The following HSPG2 variants were observed in gnomAD, a reference collection of about 807,000 sequenced individuals.
The protein encoded by HSPG2 is basement membrane-specific heparan sulfate proteoglycan core protein.
A neutral mutation model predicts 526.6 loss-of-function variants in HSPG2; 278 were observed. The ratio of observed to expected loss-of-function variants is 0.53; its 90% CI spans 0.48 to 0.58. HSPG2 has a LOEUF of 0.58. HSPG2 is among the 20% of genes least tolerant of loss of function. The pLI, the probability that HSPG2 is intolerant of heterozygous loss-of-function variation, is 0.00. For synonymous variants in HSPG2, 2,465 were observed against 2,555.4 expected (o/e 0.96, Z 1.07); for missense variants, 5,354 against 6,099.5 (o/e 0.88, Z 4.07).
intron 6 of HSPG2, chr1:21,888,772 G>A (rs542920890): frequency 8.7e-6 from 11 of 1,267,438 alleles, no homozygotes; most frequent in Middle Eastern, 2.2e-4. Flanking sequence ...GGGAGCTGAG[G>A]GCTGCAGGGC....
chr1:21,827,762 C>T, intron 91 of HSPG2, 101 bp downstream of exon 91: 2 of 1,207,140 alleles, frequency 1.7e-6, no homozygotes, highest in Non-Finnish European at 2.4e-6. Flanking sequence ...GCAAGCTCCT[C>T]ATATAAAGCT....
Position 21,854,773 on chromosome 1 carries a change from C to G in HSPG2, c.6134-8G>C. 6.2e-7 allele frequency: 1 copy of G among 1,613,568 alleles called. No homozygotes were observed. The highest frequency in any genetic ancestry group is 8.5e-7 in the Non-Finnish European group (1 of 1,179,806). ...GTGGGCTGGCATCTGAGGCTGGGGC[C>G]AGAGTAGGGGTCAGCAGGCCCCAGG... is the stretch of plus-strand genomic sequence containing the variant. On this transcript the variant is annotated splice_region_variant and splice_polypyrimidine_tract_variant and intron_variant, in intron 48 of 96. Coordinates refer to ENST00000374695, the MANE Select transcript of HSPG2 (RefSeq NM_005529.7).
chr1:21,881,942 CAAAAAAA>C (rs10570430), intron 13 of HSPG2, among the ~76,000 whole-genome samples: 8 of 87,218 alleles, frequency 9.2e-5, no homozygotes, highest in African/African-American at 2.2e-4. Context: ...GACTCTGTCT[CAAAAAAA>C]AAAAAAAAAA....
At chr1:21,825,055 G>A in intron 91 of HSPG2, 1 of 502,222 alleles carries the variant, frequency 2.0e-6, no homozygotes, top group Non-Finnish European at 3.7e-6. Context: ...GGTAGGACCT[G>A]CAACTTTGTT....
Position 21,885,029 on chromosome 1 carries a change from T to C in HSPG2, c.1339A>G (p.Ile447Val). The C allele has an allele frequency of 6.2e-7, 1 of 1,613,872 alleles. No homozygotes were observed. The highest frequency in any genetic ancestry group is 8.5e-7 in the Non-Finnish European group (1 of 1,179,988). ...GAGCCGCACCTGGGATGAGAGGGGA[T>C]GTGGCCCCAGTTGAGCCTCCAATTG... ...IINWRLNWGHIPSHPRVTVTS... is the reference protein window; with the variant it reads ...IINWRLNWGHVPSHPRVTVTS... Residue 447 changes from isoleucine (I) to valine (V), a missense_variant, in exon 11 of 97, where the codon ATC becomes GTC. By Grantham distance (29) the Ile-to-Val change is conservative (BLOSUM62 3). Coordinates refer to ENST00000374695, the MANE Select transcript of HSPG2 (RefSeq NM_005529.7).
rs1338495481 is a variant in HSPG2, at chr1:21,875,933, ATGATGTTGTTACCT to A, written c.3099_3112del (p.Gln1033HisfsTer62). 4.3e-6 allele frequency: 7 copies of A among 1,614,174 alleles called. No homozygotes were observed. Among genetic ancestry groups the A allele is most frequent in the Non-Finnish European group, 5.9e-6 (7 of 1,180,024 alleles). On this transcript the variant is annotated frameshift_variant, in exon 24 of 97. Coordinates refer to ENST00000374695, the MANE Select transcript of HSPG2 (RefSeq NM_005529.7). LOFTEE classifies it high-confidence loss of function. ...CTCCTGGGCCACATGGTGCTCTAGG[ATGATGTTGTTACCT>A]TGCAGCACCACCAACGGCTGCCCGT...
intron 91 of HSPG2, among the ~76,000 whole-genome samples, chr1:21,825,650 G>A (rs994263884): frequency 3.3e-5 from 5 of 152,206 alleles, no homozygotes; most frequent in Non-Finnish European, 1.5e-5. Context: ...CAAATGATGA[G>A]GAGAACGGCT....
At position 21,847,551 on chromosome 1, in the gene HSPG2, G is replaced by T; in HGVS notation, c.8026-59C>A. 1 of 1,609,496 alleles carries T rather than the reference G, an allele frequency of 6.2e-7. No individual in the cohort carries two copies. Among genetic ancestry groups the T allele is most frequent in the Non-Finnish European group, 8.5e-7 (1 of 1,176,858 alleles). On this transcript the variant is annotated intron_variant, in intron 61 of 96. Coordinates refer to ENST00000374695, the MANE Select transcript of HSPG2 (RefSeq NM_005529.7). The surrounding 1 kb of genome is among the most constrained non-coding windows in gnomAD (Gnocchi z 4.1). ...GAGTGGAGGGACGCTGGGGTCACCA[G>T]CTGGCTCAGGCCTTCCTGCTCAGCC...
intron 17 of HSPG2, 82 bp downstream of exon 17, chr1:21,880,025 T>A: frequency 6.6e-7 from 1 of 1,505,382 alleles, no homozygotes; most frequent in African/African-American, 1.4e-5. Flanking sequence ...TGGAGGCTTG[T>A]GCTGAGCTCA....
In HSPG2 at chr1:21,881,471, G is replaced by A. The variant is rs1312652110; in HGVS notation, c.1686C>T (p.Gly562=). 6.2e-7 allele frequency: 1 copy of A among 1,612,808 alleles called. No individual in the cohort carries two copies. Among genetic ancestry groups the A allele is most frequent in the East Asian group, 2.2e-5 (1 of 44,886 alleles). Residue 562 remains glycine (G), a synonymous_variant, in exon 14 of 97, where the codon GGC becomes GGT. Coordinates refer to ENST00000374695, the MANE Select transcript of HSPG2 (RefSeq NM_005529.7). ...GCTGCGTGGAGGAGAGGGGTGGCGT[G>A]CCGGGCTGCGCAGGCATTGTCACAT... is the stretch of plus-strand genomic sequence containing the variant. ...GVNVTMPAQP[G]TPPLSSTQLQ...
intron 80 of HSPG2, chr1:21,832,916 C>G (rs1162633355): frequency 1.8e-6 from 1 of 562,618 alleles, no homozygotes; most frequent in Admixed American, 3.1e-5. Context: ...GTCAGAGACC[C>G]GTAAGAGACG....
Position 21,839,179 on chromosome 1 carries a change from G to A in HSPG2, c.9890-94C>T. 1 of 1,494,026 alleles carries A rather than the reference G, an allele frequency of 6.7e-7. No individual in the cohort carries two copies. The highest frequency in any genetic ancestry group is 1.3e-5 in the South Asian group (1 of 77,870). 92.5% of individuals were successfully genotyped at this position (1,494,026 alleles called of 1,614,324 possible). ...CCAGTGTCCAGGGAAGCTGAATGGT[G>A]AGCCCAGAGGACTGGGGATAAGGAA... On this transcript the variant is annotated intron_variant, in intron 73 of 96. Transcript: ENST00000374695. The surrounding 1 kb of genome is among the most constrained non-coding windows in gnomAD (Gnocchi z 4.5).
intron 1 of HSPG2, among the ~76,000 whole-genome samples, chr1:21,924,129 CT>C (rs1644120835): frequency 6.6e-6 from 1 of 152,198 alleles, no homozygotes; most frequent in South Asian, 2.1e-4. Context: ...CCTTCATCTG[CT>C]TCCCTAGCCC....
Position 21,864,103 on chromosome 1 carries a change from G to A in HSPG2, c.4737C>T (p.Cys1579=), listed in dbSNP as rs1640037022. ...SDLCHPETGA[C]SQCQHNAAGE... is the part of the protein sequence containing the mutation. ...CCTGGCCTCGCTTGCAGCTCACCGA[G>A]CAGGCCCCAGTCTCTGGGTGGCACA... Residue 1579 remains cysteine (C), a synonymous_variant, in exon 37 of 97, where the codon TGC becomes TGT. Transcript: ENST00000374695. The surrounding 1 kb of genome is among the most constrained non-coding windows in gnomAD (Gnocchi z 4.8). 1.3e-6 allele frequency: 2 copies of A among 1,552,004 alleles called. No homozygotes were observed. The highest frequency in any genetic ancestry group is 1.7e-6 in the Non-Finnish European group (2 of 1,147,556).
chr1:21,929,989 C>A (rs1644307323), intron 1 of HSPG2, among the ~76,000 whole-genome samples: 1 of 152,186 alleles, frequency 6.6e-6, no homozygotes, highest in South Asian at 2.1e-4. Flanking sequence ...GAACACCGGG[C>A]CCCTTCAGTG....
At position 21,872,510 on chromosome 1, in the gene HSPG2, A is replaced by G; in HGVS notation, c.4029+110T>C. 1 of 1,418,376 alleles carries G rather than the reference A, an allele frequency of 7.1e-7. No individual in the cohort carries two copies. The allele number at this position is 1,418,376 out of a possible 1,614,324, so 87.9% of individuals were successfully genotyped here. The stretch of plus-strand genomic sequence containing the variant: ...GGACTGCGAGAGAAATAATGGGGGC[A>G]TGTGAGGGTACTGAGGCGGGGATGA... On this transcript the variant is annotated intron_variant, in intron 32 of 96. Transcript: ENST00000374695. The surrounding 1 kb of genome is among the most constrained non-coding windows in gnomAD (Gnocchi z 5.5).
rs762159760 is a variant in HSPG2 at position 21,852,718 on chromosome 1, C to T, written c.6706G>A (p.Glu2236Lys). ...CACTCACCAGGGATGACAGAGGCTT[C>T]GATGGTGACCAGGACTGAGGCCTCT... ...PLEASVLVTI[E>K]ASVIPGPIPP... Residue 2236 changes from glutamate to lysine, a missense_variant, in exon 52 of 97, where the codon GAA becomes AAA. By Grantham distance (56) the Glu-to-Lys change is moderately conservative (BLOSUM62 1). Transcript: ENST00000374695. The T allele has an allele frequency of 3.4e-5, 55 of 1,613,398 alleles. No individual in the cohort carries two copies. The South Asian group carries it at 3.8e-4, about 11-fold the overall frequency.
intron 3 of HSPG2, among the ~76,000 whole-genome samples, chr1:21,894,489 G>A (rs1387443753): frequency 6.6e-6 from 1 of 152,162 alleles, no homozygotes; most frequent in East Asian, 1.9e-4. Context: ...CCAGGGTTTG[G>A]CCTGGAGGGT....
At position 21,852,918 on chromosome 1, in the gene HSPG2, C is replaced by T. The variant is rs554276250; in HGVS notation, c.6591+1G>A. The T allele has an allele frequency of 1.2e-6, 2 of 1,612,932 alleles. No individual in the cohort carries two copies. Among genetic ancestry groups the T allele is most frequent in the South Asian group, 1.1e-5 (1 of 91,024 alleles). ...AAGGTGGTCCCGGGGGGCTGCCATA[C>T]CTGGTGCCGGGCAGGGAGGCTGCCC... On this transcript the variant is annotated splice_donor_variant, in intron 51 of 96. Coordinates refer to ENST00000374695, the MANE Select transcript of HSPG2 (RefSeq NM_005529.7). LOFTEE classifies it high-confidence loss of function.
Sources: gnomAD v4.1 joint callset for allele counts (sites outside exome capture counted in the v4.1 genomes callset) on GRCh38, gnomAD v4.1.1 for gene constraint, Gnocchi (gnomAD v3.1) non-coding constraint, MANE v1.5 for transcripts, NCBI Gene and HGNC (gene_info 2026-07-23, HGNC 2026-07-21) for gene names.